Variants in SACM1L observed in about 807,000 individuals in gnomAD.
The protein encoded by SACM1L is SAC1 like phosphatidylinositide phosphatase, also known as phosphatidylinositol-3-phosphatase SAC1.
Under a neutral mutation model 89.5 loss-of-function variants are expected in SACM1L, and 32 were observed. The ratio of observed to expected loss-of-function variants is 0.36; its 90% CI spans 0.27 to 0.48. The LOEUF is 0.48. Ranked by LOEUF, SACM1L falls within the 20% of genes least tolerant of loss-of-function variation. The pLI is 0.99. For synonymous variants in SACM1L, 213 were observed against 232.8 expected (o/e 0.92, Z 0.77); for missense variants, 543 against 708.5 (o/e 0.77, Z 2.65).
At chr3:45,741,985 T>G (rs994113848) in intron 19 of SACM1L, among the ~76,000 whole-genome samples, 1 of 152,196 alleles carries the variant, frequency 6.6e-6, no homozygotes, top group Non-Finnish European at 1.5e-5. Context: ...CCTTCTTTCC[T>G]GAAAACACTG....
intron 1 of SACM1L, among the ~76,000 whole-genome samples, chr3:45,695,338 A>G (rs982810042): frequency 9.9e-5 from 15 of 151,102 alleles, no homozygotes; most frequent in African/African-American, 3.7e-4. Context: ...TCGGCTCACC[A>G]CAACCACCAC....
Position 45,743,695 on chromosome 3 carries a change from G to T in SACM1L, c.*26G>T. On this transcript the variant is annotated 3_prime_UTR_variant, in exon 20 of 20. Transcript: ENST00000389061. Reference sequence around the variant, plus strand: ...ATTTGTATTTGTGGAAAGCGGCTTGGCTTGGAAGATTCCATTGTGCAGAAC... The same window carrying T: ...ATTTGTATTTGTGGAAAGCGGCTTGTCTTGGAAGATTCCATTGTGCAGAAC... The T allele has an allele frequency of 1.2e-6, 2 of 1,605,470 alleles. No homozygotes were observed. Among genetic ancestry groups the T allele is most frequent in the South Asian group, 1.1e-5 (1 of 89,352 alleles).
At chr3:45,717,927 C>T (rs2125694692) in intron 7 of SACM1L, among the ~76,000 whole-genome samples, 1 of 152,268 alleles carries the variant, frequency 6.6e-6, no homozygotes, top group South Asian at 2.1e-4. Flanking sequence ...CAAATAAATA[C>T]ATAAATAATT....
chr3:45,730,452 A>T (rs376837089), intron 11 of SACM1L, among the ~76,000 whole-genome samples: 1 of 151,146 alleles, frequency 6.6e-6, no homozygotes, highest in East Asian at 1.9e-4. Context: ...AGCTGTTTTG[A>T]CAGGTTTCAT....
At chr3:45,724,584 C>T (rs1698873355) in intron 11 of SACM1L, among the ~76,000 whole-genome samples, 1 of 152,034 alleles carries the variant, frequency 6.6e-6, no homozygotes, top group South Asian at 2.1e-4. Flanking sequence ...TTTTCTCCCA[C>T]TCTTTAGGTT....
intron 1 of SACM1L, among the ~76,000 whole-genome samples, chr3:45,698,425 GGCA>G (rs1391020715): frequency 2.0e-5 from 3 of 152,306 alleles, no homozygotes; most frequent in African/African-American, 7.2e-5. Context: ...ATAGCCTGAT[GGCA>G]GCATCAGCAA....
chr3:45,743,819 TTGATC>T lies in SACM1L; in HGVS notation c.*155_*159del. 1 of 696,418 alleles carries T rather than the reference TTGATC, an allele frequency of 1.4e-6. No individual in the cohort carries two copies. The highest frequency in any genetic ancestry group is 2.3e-6 in the Non-Finnish European group (1 of 441,438). 43.1% of individuals were successfully genotyped at this position (696,418 alleles called of 1,614,324 possible). On this transcript the variant is annotated 3_prime_UTR_variant, in exon 20 of 20. Coordinates refer to ENST00000389061, the MANE Select transcript of SACM1L (RefSeq NM_014016.5). ...TGCTCCATGCAGGATGATGACAGAA[TTGATC>T]TGATGTTACTGCCTTGATGGTCTCT...
intron 1 of SACM1L, among the ~76,000 whole-genome samples, chr3:45,694,715 C>A (rs184088484): frequency 6.6e-6 from 1 of 152,244 alleles, no homozygotes; most frequent in African/African-American, 2.4e-5. Context: ...AACTAGCTAT[C>A]CTGGTAGTTT....
chr3:45,721,448 G>A (rs1170209363), intron 8 of SACM1L, among the ~76,000 whole-genome samples: 1 of 152,218 alleles, frequency 6.6e-6, no homozygotes, highest in South Asian at 2.1e-4. Flanking sequence ...CTTGAACCCG[G>A]GAAGCGGAGG....
chr3:45,732,124 A>G lies in SACM1L; in HGVS notation c.1073A>G (p.Gln358Arg), dbSNP rs1333843028. 7 of 1,605,286 alleles carry G rather than the reference A, an allele frequency of 4.4e-6. No homozygotes were observed. The South Asian group carries it at 7.8e-5, about 18-fold the overall frequency. Reference sequence around the variant, plus strand: ...GATCGACTAAGTATTTTATTGGATCAGGTAGCAGAAATGCAAGATGAATTA... The same window carrying G: ...GATCGACTAAGTATTTTATTGGATCGGGTAGCAGAAATGCAAGATGAATTA... ...RWDRLSILLDQVAEMQDELSY... is the reference protein window; with the variant it reads ...RWDRLSILLDRVAEMQDELSY... The change falls in exon 13 of 20, where the codon CAG (glutamine) becomes CGG (arginine). Residue 358 changes from glutamine to arginine, a missense_variant. Coordinates refer to ENST00000389061, the MANE Select transcript of SACM1L (RefSeq NM_014016.5).
intron 8 of SACM1L, 24 bp downstream of exon 8, chr3:45,719,625 C>T: frequency 1.5e-6 from 2 of 1,301,552 alleles, no homozygotes; most frequent in Non-Finnish European, 2.2e-6. Flanking sequence ...CAGCATGGGT[C>T]ATATCTGTAA....
At chr3:45,692,331 TATTA>T (rs1559533212) in intron 1 of SACM1L, among the ~76,000 whole-genome samples, 2 of 145,290 alleles carry the variant, frequency 1.4e-5, no homozygotes, top group South Asian at 2.2e-4. Context: ...TTTTTTTTTT[TATTA>T]TTTTTGTGAG....
At chr3:45,716,648 G>A (rs941802361) in intron 7 of SACM1L, among the ~76,000 whole-genome samples, 7 of 151,978 alleles carry the variant, frequency 4.6e-5, no homozygotes, top group South Asian at 2.1e-4. Context: ...AAATGTGATC[G>A]GGGCCTGTGG....
At chr3:45,734,323 G>T (rs1359821711) in intron 13 of SACM1L, among the ~76,000 whole-genome samples, 3 of 151,126 alleles carry the variant, frequency 2.0e-5, no homozygotes, top group Non-Finnish European at 4.4e-5. Flanking sequence ...CGAGGCAGGA[G>T]AATCACTTGA....
At chr3:45,731,194 C>T in intron 11 of SACM1L, 107 bp from the exon 12 acceptor site, 5 of 597,540 alleles carry the variant, frequency 8.4e-6, no homozygotes, top group African/African-American at 1.9e-5. Context: ...TTTGATGTTT[C>T]TGTGGGAGAA....
Position 45,741,652 on chromosome 3 carries a change from G to A in SACM1L, c.1628-1881G>A, listed in dbSNP as rs138233598. On this transcript the variant is annotated intron_variant, in intron 19 of 19. Coordinates refer to ENST00000389061, the MANE Select transcript of SACM1L (RefSeq NM_014016.5). ...TCAGTGCTCAGCCCTGTAGACAGTCGTGACATAGTTTTAACTAAATGCTGA... is the reference window on the plus strand; with the variant it reads ...TCAGTGCTCAGCCCTGTAGACAGTCATGACATAGTTTTAACTAAATGCTGA... Among the ~76,000 whole-genome samples the A allele has an allele frequency of 2.6e-3, 403 of 152,228 alleles. 12 individuals carry two copies. In the East Asian group the frequency reaches 0.048, roughly 18 times the overall value.
chr3:45,733,883 G>A (rs1559551115), intron 13 of SACM1L, among the ~76,000 whole-genome samples: 1 of 152,154 alleles, frequency 6.6e-6, no homozygotes. Flanking sequence ...CAAACAGATA[G>A]TTTGCTTCCT....
At chr3:45,717,908 C>CCT (rs1301925000) in intron 7 of SACM1L, among the ~76,000 whole-genome samples, 1 of 152,118 alleles carries the variant, frequency 6.6e-6, no homozygotes, top group Non-Finnish European at 1.5e-5. Context: ...AAAGCAAGAG[C>CCT]CTCTCTCTCA....
intron 19 of SACM1L, among the ~76,000 whole-genome samples, chr3:45,741,928 G>T (rs1699324804): frequency 6.6e-6 from 1 of 152,228 alleles, no homozygotes; most frequent in South Asian, 2.1e-4. Context: ...GCATGTGCCG[G>T]TTCCTCAGCG....
Sources: gnomAD v4.1 joint callset for allele counts (sites outside exome capture counted in the v4.1 genomes callset) on GRCh38, gnomAD v4.1.1 for gene constraint, MANE v1.5 for transcripts, NCBI Gene and HGNC (gene_info 2026-07-23, HGNC 2026-07-21) for gene names.